Variants in FBLN2 observed in about 807,000 individuals in gnomAD.
The protein encoded by FBLN2 is fibulin 2.
Under a neutral mutation model 123.7 loss-of-function variants are expected in FBLN2, and 81 were observed. The ratio of observed to expected loss-of-function variants is 0.65; its 90% CI spans 0.55 to 0.79. The LOEUF is 0.79. Ranked by LOEUF, FBLN2 falls within the 30% of genes least tolerant of loss-of-function variation. The pLI, the probability that FBLN2 is intolerant of heterozygous loss-of-function variation, is 0.00. For synonymous variants in FBLN2, 699 were observed against 701.4 expected, an observed-to-expected ratio of 1.00 and a Z score of 0.05; for missense variants, 1,603 against 1,681.3, an observed-to-expected ratio of 0.95 and a Z score of 0.81.
intron 1 of FBLN2, among the ~76,000 whole-genome samples, chr3:13,555,053 A>G (rs1330150109): frequency 6.7e-6 from 1 of 148,988 alleles, no homozygotes; most frequent in Non-Finnish European, 1.5e-5. Flanking sequence ...CCCAGGTTCC[A>G]GTGATTTTCC....
At chr3:13,553,997 G>T (rs73146663) in intron 1 of FBLN2, among the ~76,000 whole-genome samples, 2 of 152,264 alleles carry the variant, frequency 1.3e-5, no homozygotes, top group Non-Finnish European at 2.9e-5. Flanking sequence ...AGCTGGGCGC[G>T]TGGGGAGCAC....
rs1478636898 is a variant in FBLN2 at position 13,629,041 on chromosome 3, G to T, written c.2706G>T (p.Lys902Asn). ...ACCACGCCAGCGATGATGGGACCAAGTGTGTGGGTAAGGCCAGCCGCCTCC... is the reference window on the plus strand; with the variant it reads ...ACCACGCCAGCGATGATGGGACCAATTGTGTGGGTAAGGCCAGCCGCCTCC... ...RGYHASDDGT[K>N]CVDVNECETG... The change falls in exon 12 of 18, where the codon AAG becomes AAT. Residue 902 changes from lysine to asparagine, a missense_variant. Coordinates refer to ENST00000404922, the MANE Select transcript of FBLN2 (RefSeq NM_001004019.2). The T allele has an allele frequency of 6.2e-7, 1 of 1,613,050 alleles. No homozygotes were observed. The highest frequency in any genetic ancestry group is 8.5e-7 in the Non-Finnish European group (1 of 1,179,728).
At chr3:13,629,130 C>G in intron 12 of FBLN2, 34 bp from the exon 13 acceptor site, 1 of 1,612,708 alleles carries the variant, frequency 6.2e-7, no homozygotes, top group Non-Finnish European at 8.5e-7. Context: ...GGAGGGAGCC[C>G]CAGGCCTCAA....
intron 4 of FBLN2, among the ~76,000 whole-genome samples, chr3:13,611,599 A>C (rs78450504): frequency 6.6e-6 from 1 of 152,326 alleles, no homozygotes; most frequent in Non-Finnish European, 1.5e-5. Context: ...TGTGTAGCAA[A>C]TGTAAGTGTT....
chr3:13,610,659 G>A (rs1705360635), intron 4 of FBLN2, among the ~76,000 whole-genome samples: 1 of 152,142 alleles, frequency 6.6e-6, no homozygotes, highest in South Asian at 2.1e-4. Context: ...AGCTCATGGT[G>A]GCCACTGGCG....
At chr3:13,584,122 C>T (rs772401726) in intron 2 of FBLN2, among the ~76,000 whole-genome samples, 1 of 152,332 alleles carries the variant, frequency 6.6e-6, no homozygotes. Context: ...GGAGGCCTGG[C>T]ATGGTCCAAG....
At chr3:13,607,017 T>G (rs576094337) in intron 2 of FBLN2, among the ~76,000 whole-genome samples, 1 of 150,834 alleles carries the variant, frequency 6.6e-6, no homozygotes, top group South Asian at 2.1e-4. Flanking sequence ...GGACGGAGTC[T>G]TGCTCTGTCA....
intron 4 of FBLN2, among the ~76,000 whole-genome samples, chr3:13,611,922 A>T (rs932297459): frequency 6.6e-6 from 1 of 152,260 alleles, no homozygotes; most frequent in South Asian, 2.1e-4. Context: ...AGACATTGGG[A>T]TGGATAGCTG....
At chr3:13,560,005 G>A (rs1213537051) in intron 1 of FBLN2, among the ~76,000 whole-genome samples, 4 of 152,184 alleles carry the variant, frequency 2.6e-5, no homozygotes, top group African/African-American at 9.7e-5. Flanking sequence ...ATTTCTCATC[G>A]CTCCCACCCT....
intron 17 of FBLN2, 147 bp downstream of exon 17, chr3:13,636,715 AAC>A (rs1706485913): frequency 1.0e-6 from 1 of 959,790 alleles, no homozygotes; most frequent in African/African-American, 1.7e-5. Context: ...AGGTGACCAA[AAC>A]AAATATAAGT....
chr3:13,633,954 A>AACACACACACACACACACACAC (rs56947028), intron 16 of FBLN2, among the ~76,000 whole-genome samples: 5,183 of 112,780 alleles, frequency 0.046, 405 homozygotes, highest in Middle Eastern at 0.085. Context: ...ACACACTGCA[A>AACACACACACACACACACACAC]ACACACACAC....
Position 13,638,032 on chromosome 3 carries a change from T to C in FBLN2, c.*113T>C. ...ATAACTTTGTAAATTAACTTAATTT[T>C]GCTGACTTGACTCCTGTGGCTTCTG... On this transcript the variant is annotated 3_prime_UTR_variant, in exon 18 of 18. Transcript: ENST00000404922. The C allele has an allele frequency of 6.7e-6, 7 of 1,050,958 alleles. No individual in the cohort carries two copies. The highest frequency in any genetic ancestry group is 9.7e-6 in the Non-Finnish European group (7 of 718,370). The allele number at this position is 1,050,958 out of a possible 1,614,324, so 65.1% of individuals were successfully genotyped here. A position where few individuals can be genotyped will look rare whatever the true frequency, so the allele number is the denominator to read the frequency against.
intron 4 of FBLN2, among the ~76,000 whole-genome samples, chr3:13,611,601 G>T (rs748890364): frequency 6.6e-6 from 1 of 152,188 alleles, no homozygotes; most frequent in Non-Finnish European, 1.5e-5. Flanking sequence ...TGTAGCAAAT[G>T]TAAGTGTTTC....
chr3:13,617,980 C>G (rs529547137), intron 5 of FBLN2, 96 bp from the exon 6 acceptor site: 1 of 1,084,690 alleles, frequency 9.2e-7, no homozygotes, highest in African/African-American at 1.5e-5. Context: ...ACACAGAGGT[C>G]TTGATGAGGA....
At chr3:13,608,236 C>G (rs1705272664) in intron 3 of FBLN2, 63 bp downstream of exon 3, 1 of 1,256,594 alleles carries the variant, frequency 8.0e-7, no homozygotes, top group Non-Finnish European at 1.1e-6. Context: ...CCCTGCTTGC[C>G]TAGGACCCCA....
At chr3:13,632,387 A>G (rs1181941815) in intron 16 of FBLN2, among the ~76,000 whole-genome samples, 1 of 152,186 alleles carries the variant, frequency 6.6e-6, no homozygotes, top group Non-Finnish European at 1.5e-5. Context: ...TCGGGGTGTG[A>G]CCAGGGTCCT....
At position 13,628,103 on chromosome 3, in the gene FBLN2, C is replaced by T. The variant is rs1463643389; in HGVS notation, c.2569+134C>T. 9.5e-6 allele frequency: 11 copies of T among 1,157,256 alleles called. No homozygotes were observed. In the Admixed American group the frequency reaches 2.0e-4, roughly 21 times the overall value. 71.7% of individuals were successfully genotyped at this position (1,157,256 alleles called of 1,614,324 possible). ...TCCTCTCCCAGCCCCCTTGTCCCTA[C>T]CTGTGAATGGGCATGTCAAGTGTTC... On this transcript the variant is annotated intron_variant, in intron 11 of 17. Coordinates refer to ENST00000404922, the MANE Select transcript of FBLN2 (RefSeq NM_001004019.2).
intron 1 of FBLN2, among the ~76,000 whole-genome samples, chr3:13,559,429 C>A (rs180817639): frequency 6.6e-6 from 1 of 152,112 alleles, no homozygotes; most frequent in East Asian, 1.9e-4. Context: ...CTTCAGGTAC[C>A]CTTGATGTTA....
At chr3:13,565,578 G>C (rs1703721841) in intron 1 of FBLN2, among the ~76,000 whole-genome samples, 1 of 152,264 alleles carries the variant, frequency 6.6e-6, no homozygotes, top group African/African-American at 2.4e-5. Flanking sequence ...CTGGGCAGCA[G>C]AGCAAGATCC....
Sources: gnomAD v4.1 joint callset for allele counts (sites outside exome capture counted in the v4.1 genomes callset) on GRCh38, gnomAD v4.1.1 for gene constraint, MANE v1.5 for transcripts, NCBI Gene and HGNC (gene_info 2026-07-23, HGNC 2026-07-21) for gene names.